ITCH: variants seen among roughly 807,000 people sequenced by gnomAD.
ITCH encodes E3 ubiquitin-protein ligase Itchy homolog.
ITCH carries 28 observed loss-of-function variants against 126.8 expected under a neutral mutation model. The observed-to-expected ratio is 0.22, with a 90% CI of 0.16 to 0.30. ITCH has a LOEUF of 0.30. ITCH is among the 10% of genes least tolerant of loss of function. ITCH has a pLI of 1.00. For synonymous variants in ITCH, 342 were observed against 340.0 expected, an observed-to-expected ratio of 1.01 and a Z score of -0.06; for missense variants, 631 against 1,032.4, an observed-to-expected ratio of 0.61 and a Z score of 5.33.
At chr20:34,475,440 G>T (rs995344484) in intron 16 of ITCH, among the ~76,000 whole-genome samples, 2 of 152,232 alleles carry the variant, frequency 1.3e-5, no homozygotes, top group African/African-American at 4.8e-5. Context: ...ATCACTCGCG[G>T]TTAGGAGCTG....
intron 12 of ITCH, among the ~76,000 whole-genome samples, chr20:34,456,220 T>A (rs1404912109): frequency 3.0e-5 from 2 of 67,352 alleles, no homozygotes; most frequent in African/African-American, 8.0e-5. Context: ...ATATATTTTT[T>A]TTTTTTTTTT....
In ITCH at chr20:34,413,841, C is replaced by G. The variant is rs764175154; in HGVS notation, c.437C>G (p.Ser146Cys). The G allele has an allele frequency of 1.9e-6, 3 of 1,613,490 alleles. No individual in the cohort carries two copies. In the African/African-American group the frequency reaches 4.0e-5, roughly 22 times the overall value. ...SICLDGLQLE[S>C]EVVTNGETTC... The stretch of plus-strand genomic sequence containing the variant: ...TGTCTTGATGGGCTACAGTTAGAGT[C>G]TGAAGTTGTTACCAATGGTGAAACT... The change falls in exon 6 of 25, where the codon TCT becomes TGT. Residue 146 changes from serine (S) to cysteine (C), a missense_variant. Ser to Cys is a moderately radical substitution (Grantham distance 112). Transcript: ENST00000374864.
intron 16 of ITCH, chr20:34,476,466 G>A (rs1285214396): frequency 7.4e-6 from 9 of 1,216,354 alleles, no homozygotes; most frequent in East Asian, 3.4e-5. Context: ...CGCCCCCAGC[G>A]GCAGCCATCG....
At chr20:34,385,221 GGTTTT>G (rs2038237030) in intron 2 of ITCH, among the ~76,000 whole-genome samples, 3 of 30,122 alleles carry the variant, frequency 1.0e-4, no homozygotes, top group East Asian at 1.1e-3. Context: ...GTGTGTGTGT[GGTTTT>G]TTTTTTTTTT....
chr20:34,475,025 G>C (rs957212833), intron 16 of ITCH, among the ~76,000 whole-genome samples: 1 of 150,760 alleles, frequency 6.6e-6, no homozygotes. Flanking sequence ...ACGGGGCGGC[G>C]GGGCAGAGGC....
chr20:34,480,739 T>G lies in ITCH; in HGVS notation c.1952+7T>G. Reference sequence around the variant, plus strand: ...ATTCTCTCATCTGGGTTAAGTAAGTTTCTTTTTCCATGTAATTTATTAAAA... The same window carrying G: ...ATTCTCTCATCTGGGTTAAGTAAGTGTCTTTTTCCATGTAATTTATTAAAA... On this transcript the variant is annotated splice_region_variant and intron_variant, in intron 19 of 24. Transcript: ENST00000374864. 1 of 1,591,560 alleles carries G rather than the reference T, an allele frequency of 6.3e-7. No homozygotes were observed. Among genetic ancestry groups the G allele is most frequent in the African/African-American group, 1.3e-5 (1 of 74,362 alleles).
intron 4 of ITCH, among the ~76,000 whole-genome samples, chr20:34,411,433 C>T (rs1210606827): frequency 1.3e-5 from 2 of 152,104 alleles, no homozygotes; most frequent in Admixed American, 6.6e-5. Flanking sequence ...GGATTACAGG[C>T]GTGAGCCATT....
intron 20 of ITCH, among the ~76,000 whole-genome samples, chr20:34,482,421 T>C (rs1346599975): frequency 6.6e-6 from 1 of 152,182 alleles, no homozygotes; most frequent in Non-Finnish European, 1.5e-5. Flanking sequence ...ATACAGGCAT[T>C]GGGTAAATAC....
At chr20:34,373,802 C>G (rs1341270127) in intron 2 of ITCH, among the ~76,000 whole-genome samples, 1 of 152,170 alleles carries the variant, frequency 6.6e-6, no homozygotes, top group Non-Finnish European at 1.5e-5. Flanking sequence ...GAAATATCTA[C>G]TAACTTGCTT....
In ITCH at chr20:34,489,254, T is replaced by C. The variant is rs768942715; in HGVS notation, c.2094-12T>C. On this transcript the variant is annotated splice_polypyrimidine_tract_variant and intron_variant, in intron 20 of 24. Coordinates refer to ENST00000374864, the MANE Select transcript of ITCH (RefSeq NM_031483.7). The stretch of plus-strand genomic sequence containing the variant: ...AAACTTCCTGATAGGTTTTTTCATA[T>C]TTGTTTGCCAGAATGGTAGCTGAGT... The C allele has an allele frequency of 5.0e-6, 8 of 1,612,804 alleles. No homozygotes were observed. The Admixed American group carries it at 1.3e-4, about 27-fold the overall frequency.
chr20:34,496,195 T>TGA (rs1989871665), intron 23 of ITCH, among the ~76,000 whole-genome samples: 1 of 152,210 alleles, frequency 6.6e-6, no homozygotes, highest in Admixed American at 6.5e-5. Flanking sequence ...TGAGGTGAGA[T>TGA]GATAGTTCAT....
intron 13 of ITCH, among the ~76,000 whole-genome samples, chr20:34,460,025 A>G (rs1162871483): frequency 6.6e-6 from 1 of 152,226 alleles, no homozygotes; most frequent in African/African-American, 2.4e-5. Context: ...ATTCTGCTTT[A>G]ACAACACAGA....
chr20:34,386,723 C>T (rs1601776827), intron 2 of ITCH, among the ~76,000 whole-genome samples: 1 of 152,012 alleles, frequency 6.6e-6, no homozygotes, highest in East Asian at 1.9e-4. Flanking sequence ...TGTGTTATTT[C>T]TGAAAATAAA....
chr20:34,497,111 C>T (rs534278857), intron 23 of ITCH, among the ~76,000 whole-genome samples: 2 of 152,082 alleles, frequency 1.3e-5, no homozygotes, highest in Admixed American at 1.3e-4. Flanking sequence ...ATTCTCTTGC[C>T]TTAGCCTCCT....
chr20:34,470,025 T>C (rs1270081290), intron 14 of ITCH, 23 bp from the exon 15 acceptor site: 2 of 1,594,766 alleles, frequency 1.3e-6, no homozygotes, highest in Admixed American at 3.3e-5. Flanking sequence ...ATATATGTCC[T>C]GTTAACCCTT....
chr20:34,363,813 C>T (rs965283253), intron 1 of ITCH, among the ~76,000 whole-genome samples: 1 of 152,074 alleles, frequency 6.6e-6, no homozygotes, highest in African/African-American at 2.4e-5. Flanking sequence ...GAGACTTTTC[C>T]GAGCCCCCAG....
chr20:34,375,427 A>G lies in ITCH; in HGVS notation c.-22+5957A>G, dbSNP rs182164741. Among the ~76,000 whole-genome samples, 144 of 150,518 alleles carry G rather than the reference A, an allele frequency of 9.6e-4. 1 individual carries two copies. The highest frequency in any genetic ancestry group is 3.4e-3 in the African/African-American group (140 of 40,890). ...TAGCTCGATTTAGCCATTCCACAAC[A>G]TGTACATATTTTAAAACATGTTATG... is the stretch of plus-strand genomic sequence containing the variant. On this transcript the variant is annotated intron_variant, in intron 2 of 24. Coordinates refer to ENST00000374864, the MANE Select transcript of ITCH (RefSeq NM_031483.7).
chr20:34,476,095 A>G, intron 16 of ITCH: 2 of 958,676 alleles, frequency 2.1e-6, no homozygotes, highest in Non-Finnish European at 3.4e-6. Context: ...GATTGCATCT[A>G]ACTTCTCATA....
chr20:34,397,971 T>G (rs1382270556), intron 3 of ITCH, among the ~76,000 whole-genome samples: 1 of 152,268 alleles, frequency 6.6e-6, no homozygotes, highest in South Asian at 2.1e-4. Context: ...TAAAGTGTCT[T>G]ACTTGCTATC....
Sources: allele counts gnomAD v4.1 joint callset (sites outside exome capture counted in the v4.1 genomes callset), GRCh38; gene constraint gnomAD v4.1.1; transcripts MANE v1.5; gene names NCBI Gene and HGNC (gene_info 2026-07-23, HGNC 2026-07-21).